Variants in AGPS observed in about 807,000 individuals in gnomAD.
The protein encoded by AGPS is alkyldihydroxyacetonephosphate synthase, peroxisomal.
A neutral mutation model predicts 90.7 loss-of-function variants in AGPS; 26 were observed. The observed-to-expected ratio is 0.29, with a 90% confidence interval of 0.21 to 0.40. The LOEUF (loss-of-function observed/expected upper bound fraction) is 0.40, where lower values mean the gene tolerates loss of function less well. AGPS is among the 10% of genes least tolerant of loss of function. The pLI, the probability that AGPS is intolerant of heterozygous loss-of-function variation, is 1.00. For missense variants in AGPS, 540 were observed against 816.1 expected (o/e 0.66, Z 4.12); for synonymous variants, 294 against 285.3 (o/e 1.03, Z -0.31).
At chr2:177,515,681 A>G (rs4893957) in intron 17 of AGPS, among the ~76,000 whole-genome samples, 110,004 of 152,112 alleles carry the variant, frequency 0.72, 40,052 homozygotes, top group Admixed American at 0.78. Flanking sequence ...TGTATTGTAG[A>G]TAAGTAGAAT....
chr2:177,421,723 A>G (rs1307898902), intron 2 of AGPS, among the ~76,000 whole-genome samples: 1 of 152,148 alleles, frequency 6.6e-6, no homozygotes, highest in African/African-American at 2.4e-5. Context: ...TTTTATTTAA[A>G]TAGAATAATG....
At position 177,493,249 on chromosome 2, in the gene AGPS, T is replaced by C. The variant is rs748281871; in HGVS notation, c.1285+50T>C. 2.7e-6 allele frequency: 4 copies of C among 1,495,920 alleles called. No individual in the cohort carries two copies. In the South Asian group the frequency reaches 4.5e-5, roughly 17 times the overall value. The allele number at this position is 1,495,920 out of a possible 1,614,324, so 92.7% of individuals were successfully genotyped here. On this transcript the variant is annotated intron_variant, in intron 12 of 19. Coordinates refer to ENST00000264167, the MANE Select transcript of AGPS (RefSeq NM_003659.4). ...AATGTCATTTAGCCACAGAAATTTA[T>C]GAAACATCAGTAGGAAGAGTACGGA...
At chr2:177,466,105 C>T (rs1687439356) in intron 9 of AGPS, among the ~76,000 whole-genome samples, 2 of 152,184 alleles carry the variant, frequency 1.3e-5, no homozygotes, top group South Asian at 4.1e-4. Flanking sequence ...AGAGAGCCCA[C>T]AGAGGGTAGT....
intron 16 of AGPS, among the ~76,000 whole-genome samples, chr2:177,511,279 G>C (rs1688862511): frequency 6.6e-6 from 1 of 151,834 alleles, no homozygotes; most frequent in South Asian, 2.1e-4. Flanking sequence ...TTTTTTGTTT[G>C]TAGAGATGAG....
chr2:177,526,292 C>T (rs935546478), intron 19 of AGPS, among the ~76,000 whole-genome samples: 4 of 143,128 alleles, frequency 2.8e-5, no homozygotes, highest in African/African-American at 8.0e-5. Context: ...TGCAGCGGTG[C>T]GATCTCAGCT....
At chr2:177,493,933 T>C (rs1688340448) in intron 12 of AGPS, among the ~76,000 whole-genome samples, 1 of 152,152 alleles carries the variant, frequency 6.6e-6, no homozygotes, top group South Asian at 2.1e-4. Flanking sequence ...ATCAGTTTGC[T>C]AACTGGATGT....
intron 6 of AGPS, 167 bp downstream of exon 6, chr2:177,441,203 C>G: frequency 1.6e-6 from 1 of 634,850 alleles, no homozygotes; most frequent in Non-Finnish European, 2.8e-6. Flanking sequence ...AGTAGGATTC[C>G]TTAAACTGTT....
rs539295060 is a variant in AGPS at position 177,423,257 on chromosome 2, C to T, written c.350+2899C>T. On this transcript the variant is annotated intron_variant, in intron 2 of 19. Transcript: ENST00000264167. ...TACTGTGAAAGGCAAAGGGGAGAAG[C>T]GTAAGAAGATTGTGATATTCCTGAA... is the stretch of plus-strand genomic sequence containing the variant. Among the ~76,000 whole-genome samples, 4 of 106,334 alleles carry T rather than the reference C, an allele frequency of 3.8e-5. 2 individuals are homozygous for T. The highest frequency in any genetic ancestry group is 6.7e-4 in the South Asian group (2 of 3,004). 69.8% of individuals were successfully genotyped at this position (106,334 alleles called of 152,430 possible).
intron 1 of AGPS, among the ~76,000 whole-genome samples, chr2:177,394,507 C>CGAA (rs1685113758): frequency 6.6e-6 from 1 of 152,072 alleles, no homozygotes; most frequent in African/African-American, 2.4e-5. Context: ...TGACAGGGGA[C>CGAA]GAAGACTGGA....
chr2:177,482,021 A>G lies in AGPS; in HGVS notation c.1106-38A>G, dbSNP rs1442907897. On this transcript the variant is annotated intron_variant, in intron 10 of 19. Coordinates refer to ENST00000264167, the MANE Select transcript of AGPS (RefSeq NM_003659.4). ...TTTAAATATGATTTAGAAAATTGTC[A>G]TGTGATGTACTGGATTATTCCCCCT... 8 of 1,552,416 alleles carry G rather than the reference A, an allele frequency of 5.2e-6. No homozygotes were observed. The Admixed American group carries it at 1.0e-4, about 20-fold the overall frequency.
At chr2:177,462,536 C>T (rs1244664101) in intron 9 of AGPS, among the ~76,000 whole-genome samples, 1 of 151,814 alleles carries the variant, frequency 6.6e-6, no homozygotes, top group African/African-American at 2.4e-5. Context: ...TAAGGATGCC[C>T]CTTTTCAGGT....
intron 19 of AGPS, among the ~76,000 whole-genome samples, chr2:177,531,346 T>G (rs547126426): frequency 3.9e-5 from 6 of 152,276 alleles, no homozygotes; most frequent in Admixed American, 6.5e-5. Context: ...CATTTCTAAA[T>G]ACTAACAATT....
chr2:177,456,832 C>G (rs1311604656), intron 8 of AGPS, among the ~76,000 whole-genome samples: 1 of 152,080 alleles, frequency 6.6e-6, no homozygotes, highest in Admixed American at 6.6e-5. Context: ...CAGCTCTGGA[C>G]CAAGCGGACC....
chr2:177,412,636 G>A (rs1012277553), intron 1 of AGPS, among the ~76,000 whole-genome samples: 39 of 152,122 alleles, frequency 2.6e-4, no homozygotes, highest in Admixed American at 9.8e-4. Context: ...GAGTCCCTTC[G>A]TGGTTGCCAA....
rs566969874 is a variant in AGPS at position 177,468,722 on chromosome 2, T to C, written c.1105+198T>C. 2.0e-4 allele frequency among the ~76,000 whole-genome samples: 30 copies of C among 152,178 alleles called. No individual in the cohort carries two copies. The South Asian group carries it at 6.2e-3, about 32-fold the overall frequency. ...AAACTTCCTCTTACATTTTGCTTTTTTATGTTTCTAGAGACAGCTTGATCT... is the reference window on the plus strand; with the variant it reads ...AAACTTCCTCTTACATTTTGCTTTTCTATGTTTCTAGAGACAGCTTGATCT... On this transcript the variant is annotated intron_variant, in intron 10 of 19. Transcript: ENST00000264167.
At chr2:177,397,974 G>C (rs1029747368) in intron 1 of AGPS, among the ~76,000 whole-genome samples, 24 of 152,206 alleles carry the variant, frequency 1.6e-4, no homozygotes, top group Non-Finnish European at 3.2e-4. Context: ...AGAGGTTGCA[G>C]TGAGCTGAGA....
intron 8 of AGPS, among the ~76,000 whole-genome samples, chr2:177,451,484 G>A (rs1686948588): frequency 6.6e-6 from 1 of 151,844 alleles, no homozygotes; most frequent in South Asian, 2.1e-4. Flanking sequence ...TGTTGTGTGT[G>A]AATAAAGACA....
rs977171975 is a variant in AGPS, at chr2:177,538,529, A to G, written c.*334A>G. 3.0e-6 allele frequency: 1 copy of G among 337,906 alleles called. No individual in the cohort carries two copies. Among genetic ancestry groups the G allele is most frequent in the African/African-American group, 2.2e-5 (1 of 46,440 alleles). The allele number at this position is 337,906 out of a possible 1,614,324, so 20.9% of individuals were successfully genotyped here. A position where few individuals can be genotyped will look rare whatever the true frequency, so the allele number is the denominator to read the frequency against. ...GCTTCCTCTTGGGGAACAAAGACAGATTTGGTATCATTGATTGCTCAGCTA... is the reference window on the plus strand; with the variant it reads ...GCTTCCTCTTGGGGAACAAAGACAGGTTTGGTATCATTGATTGCTCAGCTA... On this transcript the variant is annotated 3_prime_UTR_variant, in exon 20 of 20. Transcript: ENST00000264167.
At chr2:177,485,916 C>CA (rs889742933) in intron 11 of AGPS, among the ~76,000 whole-genome samples, 1 of 151,716 alleles carries the variant, frequency 6.6e-6, no homozygotes, top group Non-Finnish European at 1.5e-5. Flanking sequence ...GACCCTATCT[C>CA]AAAAAACAAA....
Sources: allele counts gnomAD v4.1 joint callset (sites outside exome capture counted in the v4.1 genomes callset), GRCh38; gene constraint gnomAD v4.1.1; transcripts MANE v1.5; gene names NCBI Gene and HGNC (gene_info 2026-07-23, HGNC 2026-07-21).